Variants in COLEC10 observed in about 807,000 individuals in gnomAD.
COLEC10 encodes the protein collectin subfamily member 10.
In COLEC10, 22 loss-of-function variants were observed where a neutral mutation model predicts 28.4. The observed-to-expected ratio is 0.78, with a 90% confidence interval of 0.55 to 1.11. The LOEUF (loss-of-function observed/expected upper bound fraction) is 1.11, where lower values mean the gene tolerates loss of function less well. COLEC10 is among the 50% of genes least tolerant of loss of function. COLEC10 has a pLI of 0.00. For synonymous variants in COLEC10, 125 were observed against 116.1 expected, an observed-to-expected ratio of 1.08 and a Z score of -0.49; for missense variants, 361 against 344.1, an observed-to-expected ratio of 1.05 and a Z score of -0.39.
intron 1 of COLEC10, among the ~76,000 whole-genome samples, chr8:119,081,433 TAG>T: frequency 6.6e-6 from 1 of 152,346 alleles, no homozygotes; most frequent in South Asian, 2.1e-4. Context: ...TTTTATGCCT[TAG>T]TGTTTTTCTC....
At chr8:119,016,632 T>G (rs1288556830) in intron 2 of COLEC10, among the ~76,000 whole-genome samples, 1 of 152,052 alleles carries the variant, frequency 6.6e-6, no homozygotes, top group African/African-American at 2.4e-5. Flanking sequence ...ACTAATACAC[T>G]CCCACCAACA....
intron 1 of COLEC10, among the ~76,000 whole-genome samples, chr8:119,077,243 ATTTTTTTTTT>A (rs762180766): frequency 1.8e-4 from 16 of 90,290 alleles, no homozygotes; most frequent in African/African-American, 6.3e-4. Flanking sequence ...GTAGAGAATG[ATTTTTTTTTT>A]TTTTTTTTTT....
the COLEC10 span, among the ~76,000 whole-genome samples, chr8:118,988,825 C>A: frequency 6.6e-6 from 1 of 152,168 alleles, no homozygotes; most frequent in Non-Finnish European, 1.5e-5. Flanking sequence ...ATAGCTACAA[C>A]AAATATTAAA....
chr8:119,022,412 G>A (rs1268353480), intron 2 of COLEC10, among the ~76,000 whole-genome samples: 1 of 152,072 alleles, frequency 6.6e-6, no homozygotes, highest in East Asian at 1.9e-4. Context: ...TAGGGGAAAT[G>A]TATGTTAACA....
chr8:119,011,450 A>T (rs1178225554), intron 2 of COLEC10, among the ~76,000 whole-genome samples: 1 of 147,190 alleles, frequency 6.8e-6, no homozygotes, highest in Non-Finnish European at 1.5e-5. Flanking sequence ...TATTGTGTTG[A>T]CTATACTTGG....
At chr8:119,096,868 C>T (rs1484311327) in intron 3 of COLEC10, among the ~76,000 whole-genome samples, 1 of 151,942 alleles carries the variant, frequency 6.6e-6, no homozygotes, top group East Asian at 1.9e-4. Context: ...ATAAAAATGA[C>T]TGACAATATC....
chr8:119,031,448 C>T (rs939247468), intron 2 of COLEC10, among the ~76,000 whole-genome samples: 1 of 152,184 alleles, frequency 6.6e-6, no homozygotes, highest in Non-Finnish European at 1.5e-5. Context: ...TGGTGTTGGA[C>T]ACAGAGGAAG....
chr8:118,988,570 C>A, the COLEC10 span, among the ~76,000 whole-genome samples: 1 of 152,072 alleles, frequency 6.6e-6, no homozygotes, highest in African/African-American at 2.4e-5. Context: ...GCATCACTGG[C>A]GAAACATCTG....
At chr8:119,013,210 T>A (rs547296298) in intron 2 of COLEC10, among the ~76,000 whole-genome samples, 1 of 150,844 alleles carries the variant, frequency 6.6e-6, no homozygotes, top group African/African-American at 2.5e-5. Flanking sequence ...TATAGGTATC[T>A]CTTCTTTGAC....
the COLEC10 span, among the ~76,000 whole-genome samples, chr8:118,965,780 A>T: frequency 3.0e-4 from 46 of 152,110 alleles, no homozygotes; most frequent in Non-Finnish European, 4.4e-5. Context: ...TGCTTTCTGC[A>T]TTGCAGGCAT....
chr8:119,080,948 T>C (rs567828578), intron 1 of COLEC10, among the ~76,000 whole-genome samples: 5 of 152,270 alleles, frequency 3.3e-5, no homozygotes, highest in African/African-American at 1.2e-4. Context: ...CAGTATAATA[T>C]TGTATTTTGA....
intron 1 of COLEC10, among the ~76,000 whole-genome samples, chr8:119,008,196 G>A (rs1405922972): frequency 2.7e-5 from 4 of 150,818 alleles, no homozygotes; most frequent in Non-Finnish European, 4.4e-5. Flanking sequence ...TTTTCAAACT[G>A]AGAACTTTCT....
intron 3 of COLEC10, among the ~76,000 whole-genome samples, chr8:119,093,874 T>G (rs2130288390): frequency 6.6e-6 from 1 of 152,330 alleles, no homozygotes; most frequent in African/African-American, 2.4e-5. Flanking sequence ...AATGCACAGG[T>G]TAAGATTTCT....
the COLEC10 span, among the ~76,000 whole-genome samples, chr8:118,983,317 T>G: frequency 6.6e-6 from 1 of 152,178 alleles, no homozygotes; most frequent in East Asian, 1.9e-4. Flanking sequence ...TCTTTGATTC[T>G]TATATGAGAC....
chr8:119,093,060 C>G (rs2130286608), intron 3 of COLEC10, among the ~76,000 whole-genome samples: 1 of 152,274 alleles, frequency 6.6e-6, no homozygotes, highest in Admixed American at 6.5e-5. Context: ...GAGAGAGATG[C>G]AAGAGATGCT....
At chr8:119,018,187 C>A (rs188978236) in intron 2 of COLEC10, among the ~76,000 whole-genome samples, 1 of 152,156 alleles carries the variant, frequency 6.6e-6, no homozygotes, top group African/African-American at 2.4e-5. Flanking sequence ...AGTGGGAGAC[C>A]TTTACTAAAA....
intron 1 of COLEC10, among the ~76,000 whole-genome samples, chr8:119,006,355 A>T (rs1813796991): frequency 6.6e-6 from 1 of 152,062 alleles, no homozygotes; most frequent in Non-Finnish European, 1.5e-5. Context: ...CAAATTAATA[A>T]TGCAACCTTG....
At chr8:119,009,796 T>C (rs1813872073) in intron 2 of COLEC10, among the ~76,000 whole-genome samples, 2 of 137,818 alleles carry the variant, frequency 1.5e-5, no homozygotes, top group South Asian at 2.2e-4. Context: ...CCAATAGTTA[T>C]AATAAAAGAG....
chr8:118,987,597 C>T, the COLEC10 span, among the ~76,000 whole-genome samples: 2 of 152,042 alleles, frequency 1.3e-5, no homozygotes, highest in Non-Finnish European at 2.9e-5. Context: ...TTACATACTC[C>T]TCATTAAAAA....
Sources: gnomAD v4.1 joint callset for allele counts (sites outside exome capture counted in the v4.1 genomes callset) on GRCh38, gnomAD v4.1.1 for gene constraint, MANE v1.5 for transcripts, NCBI Gene and HGNC (gene_info 2026-07-23, HGNC 2026-07-21) for gene names.